The following D2HGDH variants were observed in gnomAD, a reference collection of about 807,000 sequenced individuals.
The protein encoded by D2HGDH is D-2-hydroxyglutarate dehydrogenase, also known as D-2-hydroxyglutarate dehydrogenase, mitochondrial.
In D2HGDH, 31 loss-of-function variants were observed where a neutral mutation model predicts 46.9. That is an observed-to-expected ratio of 0.66 (90% CI 0.50 to 0.89). The LOEUF is 0.89. Ranked by LOEUF, D2HGDH falls within the 40% of genes least tolerant of loss-of-function variation. The probability of loss-of-function intolerance (pLI) is 0.00; values close to 1 mark genes in which losing one functional copy is unlikely to be tolerated. For synonymous variants in D2HGDH, 364 were observed against 332.6 expected, an observed-to-expected ratio of 1.09 and a Z score of -1.03; for missense variants, 698 against 720.8, an observed-to-expected ratio of 0.97 and a Z score of 0.36.
chr2:241,741,389 G>T (rs919729996), intron 3 of D2HGDH, among the ~76,000 whole-genome samples: 1 of 152,214 alleles, frequency 6.6e-6, no homozygotes, highest in Non-Finnish European at 1.5e-5. Context: ...CCATGACTGT[G>T]GACAGTGCTT....
At position 241,767,704 on chromosome 2, in the gene D2HGDH, C is replaced by G. The variant is rs769264757; in HGVS notation, c.1307-6C>G. 1.2e-6 allele frequency: 2 copies of G among 1,612,614 alleles called. No homozygotes were observed. Among genetic ancestry groups the G allele is most frequent in the African/African-American group, 2.7e-5 (2 of 74,818 alleles). ...CAGCCTGACCCATGTGCCCTTGTCCCTCCAGGAGATGGTAACCTGCACCTC... is the reference window on the plus strand; with the variant it reads ...CAGCCTGACCCATGTGCCCTTGTCCGTCCAGGAGATGGTAACCTGCACCTC... On this transcript the variant is annotated splice_region_variant and splice_polypyrimidine_tract_variant and intron_variant, in intron 9 of 9. Coordinates refer to ENST00000321264, the MANE Select transcript of D2HGDH (RefSeq NM_152783.5).
chr2:241,741,220 T>C (rs1390178281), intron 3 of D2HGDH, 130 bp downstream of exon 3: 4 of 841,606 alleles, frequency 4.8e-6, no homozygotes, highest in Non-Finnish European at 7.9e-6. Flanking sequence ...TGTGTCTCAG[T>C]GTTTGTTCTG....
intron 9 of D2HGDH, 143 bp downstream of exon 9, chr2:241,756,157 C>T (rs958499356): frequency 1.2e-5 from 15 of 1,240,120 alleles, no homozygotes; most frequent in South Asian, 1.6e-5. Context: ...GGCAGGACCA[C>T]GGTGTCTGAC....
chr2:241,734,861 C>A, intron 1 of D2HGDH, 166 bp downstream of exon 1: 1 of 224,904 alleles, frequency 4.4e-6, no homozygotes, highest in Non-Finnish European at 8.7e-6. Flanking sequence ...GGAACACGCG[C>A]GCGCGTCCGC....
At chr2:241,737,956 A>G (rs1190642394) in intron 2 of D2HGDH, among the ~76,000 whole-genome samples, 14 of 152,204 alleles carry the variant, frequency 9.2e-5, no homozygotes, top group African/African-American at 3.1e-4. Context: ...GAAATTATTA[A>G]GAACACTCAG....
intron 6 of D2HGDH, 77 bp from the exon 7 acceptor site, chr2:241,750,074 G>C: frequency 6.2e-7 from 1 of 1,609,168 alleles, no homozygotes; most frequent in Non-Finnish European, 8.5e-7. Flanking sequence ...TCGGGCTGAT[G>C]TTGCTGCTTT....
chr2:241,756,188 C>T (rs905187466), intron 9 of D2HGDH, among the ~76,000 whole-genome samples, 174 bp downstream of exon 9: 2 of 152,242 alleles, frequency 1.3e-5, no homozygotes, highest in Non-Finnish European at 2.9e-5. Flanking sequence ...AAATCCTAAT[C>T]GTTGTCATGA....
In D2HGDH at chr2:241,767,710, G is replaced by T. The variant is rs768061160; in HGVS notation, c.1307G>T (p.Gly436Val). The change falls in exon 10 of 10, where the codon GGA becomes GTA. Residue 436 changes from glycine to valine, a missense_variant and splice_region_variant. Coordinates refer to ENST00000321264, the MANE Select transcript of D2HGDH (RefSeq NM_152783.5). The stretch of plus-strand genomic sequence containing the variant: ...GACCCATGTGCCCTTGTCCCTCCAG[G>T]AGATGGTAACCTGCACCTCAATGTG... Reference protein sequence around the residue: ...AKHVVGYGHLGDGNLHLNVTA... With the variant: ...AKHVVGYGHLVDGNLHLNVTA... The T allele has an allele frequency of 6.2e-7, 1 of 1,612,820 alleles. No homozygotes were observed. Among genetic ancestry groups the T allele is most frequent in the Admixed American group, 1.7e-5 (1 of 59,974 alleles).
Position 241,735,466 on chromosome 2 carries a change from AC to A in D2HGDH, c.245del (p.Pro82ArgfsTer23), listed in dbSNP as rs1559336652. 1.2e-6 allele frequency: 2 copies of A among 1,609,382 alleles called. No homozygotes were observed. The highest frequency in any genetic ancestry group is 1.7e-5 in the Admixed American group (1 of 59,986). On this transcript the variant is annotated frameshift_variant, in exon 2 of 10. Coordinates refer to ENST00000321264, the MANE Select transcript of D2HGDH (RefSeq NM_152783.5). LOFTEE classifies it high-confidence loss of function. The part of the protein sequence containing the change: ...ERIVPGGVVT[D>X]PEALQAPNVD... ...ATCGTGCCCGGCGGGGTCGTCACGG[AC>A]CCGGAAGCGCTGCAGGCTCCCAACG... is the stretch of plus-strand genomic sequence containing the variant.
rs1423585168 is a variant in D2HGDH, at chr2:241,742,909, G to A, written c.490+335G>A. On this transcript the variant is annotated intron_variant, in intron 4 of 9. Transcript: ENST00000321264. The surrounding 1 kb of genome is among the most constrained non-coding windows in gnomAD (Gnocchi z 4.8). Reference sequence around the variant, plus strand: ...GGATCCTGACCCAGGGCGCCAGGGCGTGGCAGGCGTGAGGGGATCCTGACC... The same window carrying A: ...GGATCCTGACCCAGGGCGCCAGGGCATGGCAGGCGTGAGGGGATCCTGACC... 1.4e-5 allele frequency among the ~76,000 whole-genome samples: 2 copies of A among 139,190 alleles called. No individual in the cohort carries two copies. Among genetic ancestry groups the A allele is most frequent in the South Asian group, 2.4e-4 (1 of 4,136 alleles). The allele number at this position is 139,190 out of a possible 152,430, so 91.3% of individuals were successfully genotyped here. A position where few individuals can be genotyped will look rare whatever the true frequency, so the allele number is the denominator to read the frequency against.
chr2:241,739,179 T>C (rs1693741453), intron 2 of D2HGDH, among the ~76,000 whole-genome samples: 1 of 152,204 alleles, frequency 6.6e-6, no homozygotes, highest in Non-Finnish European at 1.5e-5. Flanking sequence ...TTTTCATCTT[T>C]CCCGTTAGAA....
chr2:241,742,624 G>A lies in D2HGDH; in HGVS notation c.490+50G>A. On this transcript the variant is annotated intron_variant, in intron 4 of 9. Transcript: ENST00000321264. This position sits in a 1 kb window ranked among gnomAD's most constrained non-coding sequence, Gnocchi z 4.8. ...CCCAGGAGTCCCTCCTGGTGCTGGT[G>A]GAGTTCTTCCTTGCCAGCGTCTGCA... The A allele has an allele frequency of 6.2e-7, 1 of 1,610,428 alleles. No homozygotes were observed. The highest frequency in any genetic ancestry group is 8.5e-7 in the Non-Finnish European group (1 of 1,176,960).
chr2:241,749,065 C>T (rs1696620188), intron 6 of D2HGDH: 2 of 1,000,436 alleles, frequency 2.0e-6, no homozygotes, highest in Non-Finnish European at 2.4e-6. Context: ...TCTCCAGGGC[C>T]CCAGTCAGCC....
chr2:241,758,024 G>A (rs1220795742), intron 9 of D2HGDH, among the ~76,000 whole-genome samples: 3 of 152,092 alleles, frequency 2.0e-5, no homozygotes, highest in Admixed American at 6.5e-5. Context: ...CATCTGTCAT[G>A]GTGACCGGGT....
chr2:241,735,076 C>T lies in D2HGDH; in HGVS notation c.-92-57C>T, dbSNP rs1360756652. 4 of 869,376 alleles carry T rather than the reference C, an allele frequency of 4.6e-6. No individual in the cohort carries two copies. The East Asian group carries it at 9.5e-5, about 21-fold the overall frequency. 53.9% of individuals were successfully genotyped at this position (869,376 alleles called of 1,614,324 possible). A position where few individuals can be genotyped will look rare whatever the true frequency, so the allele number is the denominator to read the frequency against. Reference sequence around the variant, plus strand: ...CCTGCCCCCTCCCTGCTTCTGCAAGCGTGTTTCAATTTGTACAACGTGCAT... The same window carrying T: ...CCTGCCCCCTCCCTGCTTCTGCAAGTGTGTTTCAATTTGTACAACGTGCAT... On this transcript the variant is annotated intron_variant, in intron 1 of 9. Coordinates refer to ENST00000321264, the MANE Select transcript of D2HGDH (RefSeq NM_152783.5).
rs535641568 is a variant in D2HGDH, at chr2:241,749,761, G to T, written c.854-390G>T. 331 of 351,454 alleles carry T rather than the reference G, an allele frequency of 9.4e-4. 1 individual carries two copies. Among genetic ancestry groups the T allele is most frequent in the Admixed American group, 1.3e-3 (33 of 24,470 alleles). 21.8% of individuals were successfully genotyped at this position (351,454 alleles called of 1,614,324 possible). ...TTTGATGCTGGTGGTGACACCAGGC[G>T]TGCACCTGTCCCTCCTGATCTGATG... On this transcript the variant is annotated intron_variant, in intron 6 of 9. Transcript: ENST00000321264.
rs62192003 is a variant in D2HGDH, at chr2:241,743,959, T to C, written c.684+144T>C. The C allele has an allele frequency of 0.47, 414,157 of 873,076 alleles. 103,036 individuals carry two copies. Among genetic ancestry groups the C allele is most frequent in the African/African-American group, 0.79 (47,241 of 59,436 alleles). 54.1% of individuals were successfully genotyped at this position (873,076 alleles called of 1,614,324 possible). On this transcript the variant is annotated intron_variant, in intron 5 of 9. Coordinates refer to ENST00000321264, the MANE Select transcript of D2HGDH (RefSeq NM_152783.5). The surrounding 1 kb of genome is among the most constrained non-coding windows in gnomAD (Gnocchi z 4.8). ...TGGCCCTGGGCCCCTCAAGGATGTG[T>C]GGGCTACATACACCCCCATCCTGAG...
chr2:241,738,647 C>T (rs1338876593), intron 2 of D2HGDH, among the ~76,000 whole-genome samples: 1 of 152,216 alleles, frequency 6.6e-6, no homozygotes, highest in Non-Finnish European at 1.5e-5. Flanking sequence ...CTGGCTGTCC[C>T]CCTGGGTCCC....
chr2:241,754,882 C>T (rs113379546), intron 8 of D2HGDH: 6 of 631,220 alleles, frequency 9.5e-6, no homozygotes, highest in African/African-American at 1.9e-5. Flanking sequence ...GGAATACAGG[C>T]GTGAGCCACT....
Sources: allele counts gnomAD v4.1 joint callset (sites outside exome capture counted in the v4.1 genomes callset), GRCh38; gene constraint gnomAD v4.1.1; non-coding constraint Gnocchi (gnomAD v3.1); transcripts MANE v1.5; gene names NCBI Gene and HGNC (gene_info 2026-07-23, HGNC 2026-07-21).